The following LRP1B variants were observed in gnomAD, a reference collection of about 807,000 sequenced individuals.
LRP1B encodes the protein LDL receptor related protein 1B, also known as low-density lipoprotein receptor-related protein 1B.
A neutral mutation model predicts 556.6 loss-of-function variants in LRP1B; 217 were observed. That is an observed-to-expected ratio of 0.39 (90% confidence interval 0.35 to 0.44). LRP1B has a LOEUF of 0.44. LRP1B is among the 20% of genes least tolerant of loss of function. The probability of loss-of-function intolerance (pLI) is 1.00; values close to 1 mark genes in which losing one functional copy is unlikely to be tolerated. For missense variants in LRP1B, 5,053 were observed against 5,620.8 expected, an observed-to-expected ratio of 0.90 and a Z score of 3.23; for synonymous variants, 2,047 against 1,865.8, an observed-to-expected ratio of 1.10 and a Z score of -2.50.
intron 1 of LRP1B, among the ~76,000 whole-genome samples, chr2:141,821,776 G>A: frequency 6.6e-6 from 1 of 152,040 alleles, no homozygotes; most frequent in South Asian, 2.1e-4. Flanking sequence ...TGTTTTTGGA[G>A]CTGCAGATGG....
At chr2:140,389,719 ATAGT>A (rs1196816692) in intron 66 of LRP1B, among the ~76,000 whole-genome samples, 1 of 147,786 alleles carries the variant, frequency 6.8e-6, no homozygotes, top group Non-Finnish European at 1.5e-5. Flanking sequence ...TTATATATAT[ATAGT>A]TATATATATG....
At chr2:140,871,785 CCTT>C (rs1171739915) in intron 25 of LRP1B, among the ~76,000 whole-genome samples, 2 of 152,140 alleles carry the variant, frequency 1.3e-5, no homozygotes, top group South Asian at 2.1e-4. Flanking sequence ...TAAGGGTCTG[CCTT>C]CTTTTTTTTC....
At chr2:141,549,287 A>T (rs1321519845) in intron 2 of LRP1B, among the ~76,000 whole-genome samples, 1 of 152,148 alleles carries the variant, frequency 6.6e-6, no homozygotes, top group Non-Finnish European at 1.5e-5. Flanking sequence ...AAAATAAGAC[A>T]TTGCACATAA....
At chr2:141,162,020 A>G (rs1295479579) in intron 7 of LRP1B, among the ~76,000 whole-genome samples, 5 of 152,050 alleles carry the variant, frequency 3.3e-5, no homozygotes, top group Admixed American at 2.0e-4. Context: ...TGTGAAGATT[A>G]TATGGAATTA....
chr2:141,102,706 A>G (rs1163863286), intron 7 of LRP1B, among the ~76,000 whole-genome samples: 1 of 152,134 alleles, frequency 6.6e-6, no homozygotes, highest in African/African-American at 2.4e-5. Context: ...AACATCAGTT[A>G]ATCCAAGAAT....
At chr2:141,270,148 G>A (rs992140375) in intron 3 of LRP1B, among the ~76,000 whole-genome samples, 1 of 152,030 alleles carries the variant, frequency 6.6e-6, no homozygotes, top group Non-Finnish European at 1.5e-5. Context: ...TTTCTCCAAA[G>A]ATACGCAAAT....
At position 141,573,252 on chromosome 2, in the gene LRP1B, C is replaced by A. The variant is rs150851097; in HGVS notation, c.206-92719G>T. Among the ~76,000 whole-genome samples the A allele has an allele frequency of 5.4e-3, 821 of 152,244 alleles. 10 individuals are homozygous for A. The highest frequency in any genetic ancestry group is 0.019 in the African/African-American group (772 of 41,536). On this transcript the variant is annotated intron_variant, in intron 2 of 90. Coordinates refer to ENST00000389484, the MANE Select transcript of LRP1B (RefSeq NM_018557.3). ...ACTGAAATCATAACAGTCTCTCAGACCACAGTGCAATCTAATTCAAATTCA... is the reference window on the plus strand; with the variant it reads ...ACTGAAATCATAACAGTCTCTCAGAACACAGTGCAATCTAATTCAAATTCA...
intron 1 of LRP1B, among the ~76,000 whole-genome samples, chr2:142,063,944 G>A (rs1031421957): frequency 6.6e-6 from 1 of 151,476 alleles, no homozygotes; most frequent in African/African-American, 2.4e-5. Context: ...GGACCTTAGG[G>A]TACGAATAAG....
At position 140,517,007 on chromosome 2, in the gene LRP1B, T is replaced by C. The variant is rs4954672; in HGVS notation, c.8031A>G (p.Gln2677=). ...AATTTTCTTCACATTTGTGTTTGTT[T>C]TGAACTGTGATAAAATATGGAATGT... The part of the protein sequence containing the change: ...DYSDELKCPV[Q]NKHKCEENYF... The change falls in exon 50 of 91, where the codon CAA becomes CAG. Residue 2677 remains glutamine, a synonymous_variant. Transcript: ENST00000389484. 0.73 allele frequency: 1,156,282 copies of C among 1,574,446 alleles called. 428,918 individuals carry two copies. The highest frequency in any genetic ancestry group is 0.84 in the Middle Eastern group (5,038 of 5,968).
rs548518056 is a variant in LRP1B at position 140,372,688 on chromosome 2, G to T, written c.10768+320C>A. Among the ~76,000 whole-genome samples the T allele has an allele frequency of 4.6e-5, 7 of 151,986 alleles. No individual in the cohort carries two copies. In the East Asian group the frequency reaches 9.7e-4, roughly 21 times the overall value. On this transcript the variant is annotated intron_variant, in intron 69 of 90. Transcript: ENST00000389484. ...CCATAACTAAAACCTATCTTTTACT[G>T]TACTTTTAATTTCAACAGATTTTAC...
chr2:140,322,165 C>T (rs556261381), intron 81 of LRP1B, 77 bp from the exon 82 acceptor site: 73 of 1,356,768 alleles, frequency 5.4e-5, no homozygotes, highest in Middle Eastern at 1.9e-4. Flanking sequence ...TTAAATAAGG[C>T]GAAATGATTA....
intron 7 of LRP1B, among the ~76,000 whole-genome samples, chr2:141,158,862 T>A (rs530644461): frequency 6.6e-6 from 1 of 152,232 alleles, no homozygotes; most frequent in Admixed American, 6.5e-5. Flanking sequence ...AATCAAGACC[T>A]AAATTGGTGA....
In LRP1B at chr2:141,703,198, T is replaced by C. The variant is rs539774208; in HGVS notation, c.205+107081A>G. ...AGAAAAGTGTATGAATAAGCAGTTATTTCTAACCTAAGGAAAGAATATCAT... is the reference window on the plus strand; with the variant it reads ...AGAAAAGTGTATGAATAAGCAGTTACTTCTAACCTAAGGAAAGAATATCAT... On this transcript the variant is annotated intron_variant, in intron 2 of 90. Coordinates refer to ENST00000389484, the MANE Select transcript of LRP1B (RefSeq NM_018557.3). 2.1e-4 allele frequency among the ~76,000 whole-genome samples: 32 copies of C among 150,588 alleles called. No homozygotes were observed. The South Asian group carries it at 6.8e-3, about 32-fold the overall frequency.
At chr2:140,621,078 C>T (rs1683432632) in intron 41 of LRP1B, among the ~76,000 whole-genome samples, 1 of 151,722 alleles carries the variant, frequency 6.6e-6, no homozygotes, top group Non-Finnish European at 1.5e-5. Flanking sequence ...AACTTTATTA[C>T]TCATAGAAAA....
intron 11 of LRP1B, among the ~76,000 whole-genome samples, chr2:141,043,260 TAAAAAG>T (rs1698761488): frequency 1.5e-5 from 2 of 137,890 alleles, no homozygotes; most frequent in Admixed American, 7.3e-5. Flanking sequence ...ATAAATAAAA[TAAAAAG>T]AAAAAGAAAA....
intron 1 of LRP1B, among the ~76,000 whole-genome samples, chr2:141,986,839 G>C (rs1702201694): frequency 6.6e-6 from 1 of 151,924 alleles, no homozygotes; most frequent in African/African-American, 2.4e-5. Context: ...AATTATAGCT[G>C]ATCTTCACAA....
chr2:140,866,214 C>A (rs1045913219), intron 27 of LRP1B, among the ~76,000 whole-genome samples: 2 of 152,092 alleles, frequency 1.3e-5, no homozygotes, highest in African/African-American at 2.4e-5. Flanking sequence ...CAAAACCATT[C>A]ATATCTTATA....
chr2:141,032,178 T>C (rs778972536), intron 11 of LRP1B, among the ~76,000 whole-genome samples: 1 of 152,084 alleles, frequency 6.6e-6, no homozygotes, highest in Non-Finnish European at 1.5e-5. Context: ...TCACTTTGTC[T>C]ATTTATGGGT....
At chr2:141,277,727 C>A (rs549002014) in intron 3 of LRP1B, among the ~76,000 whole-genome samples, 5 of 148,614 alleles carry the variant, frequency 3.4e-5, no homozygotes, top group Non-Finnish European at 5.9e-5. Context: ...CCTATGACAC[C>A]CAGGGAAAGA....
Sources: gnomAD v4.1 joint callset for allele counts (sites outside exome capture counted in the v4.1 genomes callset) on GRCh38, gnomAD v4.1.1 for gene constraint, MANE v1.5 for transcripts, NCBI Gene and HGNC (gene_info 2026-07-23, HGNC 2026-07-21) for gene names.